SYNE1: variants seen among roughly 807,000 people sequenced by gnomAD.
SYNE1 encodes the protein nesprin-1.
SYNE1 carries 616 observed loss-of-function variants against 1,111.0 expected under a neutral mutation model. The ratio of observed to expected loss-of-function variants is 0.55; its 90% CI spans 0.52 to 0.59. SYNE1 has a LOEUF of 0.59. Among genes scored for constraint, SYNE1 ranks in the 20% least tolerant of loss-of-function variants. The pLI, the probability that SYNE1 is intolerant of heterozygous loss-of-function variation, is 0.00. For missense variants in SYNE1, 10,006 were observed against 10,417.0 expected (o/e 0.96, Z 1.72); for synonymous variants, 3,855 against 3,825.8 (o/e 1.01, Z -0.28).
Position 152,488,562 on chromosome 6 carries a change from T to G in SYNE1, c.940-59A>C, listed in dbSNP as rs929087465. 63 of 929,146 alleles carry G rather than the reference T, an allele frequency of 6.8e-5. No homozygotes were observed. The South Asian group carries it at 8.1e-4, about 12-fold the overall frequency. 57.6% of individuals were successfully genotyped at this position (929,146 alleles called of 1,614,324 possible). ...ATCTGTGCATTTATTTAATTGCTGA[T>G]TAATACTTGACTGATTCTAGAAGAG... On this transcript the variant is annotated intron_variant, in intron 11 of 145. Coordinates refer to ENST00000367255, the MANE Select transcript of SYNE1 (RefSeq NM_182961.4).
In SYNE1 at chr6:152,231,380, C is replaced by T. The variant is rs752489641; in HGVS notation, c.21039+11G>A. On this transcript the variant is annotated intron_variant, in intron 114 of 145. Transcript: ENST00000367255. ...CATGTAAATCTGGACAGTGGGAAGCCACTGGCTTACCTTCTCAGTTACTAG... is the reference window on the plus strand; with the variant it reads ...CATGTAAATCTGGACAGTGGGAAGCTACTGGCTTACCTTCTCAGTTACTAG... 1 of 1,614,004 alleles carries T rather than the reference C, an allele frequency of 6.2e-7. No individual in the cohort carries two copies. The highest frequency in any genetic ancestry group is 1.1e-5 in the South Asian group (1 of 91,070).
intron 128 of SYNE1, among the ~76,000 whole-genome samples, chr6:152,188,984 AATATATATATATATATAT>A (rs1190850842): frequency 4.3e-5 from 1 of 22,998 alleles, no homozygotes; most frequent in Non-Finnish European, 8.1e-5. Context: ...AAAAAAAAAA[AATATATATATATATATAT>A]ATATATATAT....
chr6:152,343,146 G>A (rs1404523429), intron 74 of SYNE1, among the ~76,000 whole-genome samples: 5 of 120,072 alleles, frequency 4.2e-5, no homozygotes, highest in Admixed American at 9.6e-5. Context: ...TCTTTCTTTC[G>A]TTTTCTTTTC....
At chr6:152,510,457 G>A (rs1432568721) in intron 7 of SYNE1, 86 bp from the exon 8 acceptor site, 28 of 1,464,070 alleles carry the variant, frequency 1.9e-5, no homozygotes, top group Non-Finnish European at 2.4e-5. Flanking sequence ...AGCAACAAAT[G>A]AGTTATGTTA....
At chr6:152,510,079 C>T in intron 8 of SYNE1, 114 bp downstream of exon 8, 1 of 1,091,010 alleles carries the variant, frequency 9.2e-7, no homozygotes, top group East Asian at 2.4e-5. Context: ...AGCGCTAAAG[C>T]AAAGCCATTC....
Position 152,149,485 on chromosome 6 carries a change from G to T in SYNE1, c.24634C>A (p.Arg8212Ser). The T allele has an allele frequency of 6.2e-7, 1 of 1,614,132 alleles. No homozygotes were observed. Among genetic ancestry groups the T allele is most frequent in the Non-Finnish European group, 8.5e-7 (1 of 1,180,030 alleles). The stretch of plus-strand genomic sequence containing the variant: ...AAATCAATGTTACATACAGGCAGGC[G>T]GATCAGTTTCTTATGGTATCTTTCC... ...RVERYHKKLI[R>S]LPLPDDEHDL... Residue 8212 changes from arginine (R) to serine (S), a missense_variant, in exon 136 of 146, where the codon CGC becomes AGC. Transcript: ENST00000367255.
intron 130 of SYNE1, among the ~76,000 whole-genome samples, chr6:152,173,707 G>C (rs1358896470): frequency 6.6e-6 from 1 of 152,170 alleles, no homozygotes; most frequent in Non-Finnish European, 1.5e-5. Context: ...GCCTAATCTA[G>C]TCTAATTTGG....
intron 22 of SYNE1, among the ~76,000 whole-genome samples, chr6:152,456,974 G>A (rs1332999660): frequency 6.6e-6 from 1 of 152,006 alleles, no homozygotes; most frequent in Non-Finnish European, 1.5e-5. Context: ...AGTCCAAAAT[G>A]TATTATTAGA....
At position 152,168,193 on chromosome 6, in the gene SYNE1, C is replaced by T. The variant is rs138295965; in HGVS notation, c.23628-3868G>A. 1.6e-3 allele frequency: 1,224 copies of T among 770,094 alleles called. 12 individuals carry two copies. The African/African-American group carries it at 0.018, about 11-fold the overall frequency. The allele number at this position is 770,094 out of a possible 1,614,324, so 47.7% of individuals were successfully genotyped here. A position where few individuals can be genotyped will look rare whatever the true frequency, so the allele number is the denominator to read the frequency against. The stretch of plus-strand genomic sequence containing the variant: ...CCATCCTCAGGGCACTCAGGTCCTC[C>T]GCCACCACCATGAAGCTTCCACTTG... On this transcript the variant is annotated intron_variant, in intron 130 of 145. Transcript: ENST00000367255.
At chr6:152,136,481 C>A (rs2057102766) in intron 141 of SYNE1, 137 bp downstream of exon 141, 1 of 1,045,282 alleles carries the variant, frequency 9.6e-7, no homozygotes, top group Non-Finnish European at 1.4e-6. Context: ...AAAGTTTGGG[C>A]ACAAGGTTAT....
At chr6:152,549,285 T>C (rs1442578398) in intron 3 of SYNE1, among the ~76,000 whole-genome samples, 1 of 152,240 alleles carries the variant, frequency 6.6e-6, no homozygotes, top group Non-Finnish European at 1.5e-5. Context: ...TGGTATATTG[T>C]CTTATATATG....
intron 66 of SYNE1, among the ~76,000 whole-genome samples, chr6:152,357,143 C>T (rs2096852763): frequency 6.6e-6 from 1 of 151,970 alleles, no homozygotes; most frequent in Non-Finnish European, 1.5e-5. Flanking sequence ...ATGAGTAGAC[C>T]GTATATTTAA....
At chr6:152,291,471 T>A (rs763442553) in intron 95 of SYNE1, among the ~76,000 whole-genome samples, 21 of 152,112 alleles carry the variant, frequency 1.4e-4, no homozygotes, top group Admixed American at 1.0e-3. Flanking sequence ...TTCTAATTTA[T>A]AATTATCAGA....
At chr6:152,404,109 A>G in intron 46 of SYNE1, 104 bp downstream of exon 46, 1 of 670,350 alleles carries the variant, frequency 1.5e-6, no homozygotes, top group African/African-American at 1.9e-5. Flanking sequence ...TATGAGATAT[A>G]TATATATACA....
In SYNE1 at chr6:152,230,646, T is replaced by C. The variant is rs151036619; in HGVS notation, c.21096A>G (p.Gln7032=). 9.3e-6 allele frequency: 15 copies of C among 1,613,966 alleles called. No homozygotes were observed. The highest frequency in any genetic ancestry group is 1.3e-5 in the Non-Finnish European group (15 of 1,179,970). The change falls in exon 115 of 146, where the codon CAA becomes CAG. Residue 7032 remains glutamine, a synonymous_variant. Coordinates refer to ENST00000367255, the MANE Select transcript of SYNE1 (RefSeq NM_182961.4). The part of the protein sequence containing the change: ...ESWSEYENNV[Q]CLKTWFETQE... ...GGGTTTCAAACCATGTTTTCAGACA[T>C]TGTACATTATTTTCATATTCTGACC...
intron 45 of SYNE1, among the ~76,000 whole-genome samples, chr6:152,405,296 G>A (rs2154159566): frequency 6.6e-6 from 1 of 152,288 alleles, no homozygotes; most frequent in South Asian, 2.1e-4. Context: ...TTGGATTTCT[G>A]AGGTCAATAG....
intron 16 of SYNE1, among the ~76,000 whole-genome samples, chr6:152,468,840 A>G (rs1042866468): frequency 1.3e-4 from 20 of 152,154 alleles, no homozygotes; most frequent in African/African-American, 4.6e-4. Flanking sequence ...CAGCAGCAAG[A>G]TCATAGCTCA....
rs766155804 is a variant in SYNE1 at position 152,425,376 on chromosome 6, C to T, written c.5267+5G>A. ...ATATTAGAAGATTTATCTTTTAGAACCAACCTTTTGTTAATGATCTGTGGT... is the reference window on the plus strand; with the variant it reads ...ATATTAGAAGATTTATCTTTTAGAATCAACCTTTTGTTAATGATCTGTGGT... On this transcript the variant is annotated splice_donor_5th_base_variant and intron_variant, in intron 39 of 145. Coordinates refer to ENST00000367255, the MANE Select transcript of SYNE1 (RefSeq NM_182961.4). 3 of 1,613,652 alleles carry T rather than the reference C, an allele frequency of 1.9e-6. No homozygotes were observed. Among genetic ancestry groups the T allele is most frequent in the African/African-American group, 2.7e-5 (2 of 74,886 alleles).
At chr6:152,419,789 T>C in intron 39 of SYNE1, 67 bp from the exon 40 acceptor site, 1 of 1,578,810 alleles carries the variant, frequency 6.3e-7, no homozygotes, top group South Asian at 1.1e-5. Flanking sequence ...TGATGTATTT[T>C]GGGAATTAAG....
Sources: gnomAD v4.1 joint callset for allele counts (sites outside exome capture counted in the v4.1 genomes callset) on GRCh38, gnomAD v4.1.1 for gene constraint, MANE v1.5 for transcripts, NCBI Gene and HGNC (gene_info 2026-07-23, HGNC 2026-07-21) for gene names.